The following SH3PXD2A variants were observed in gnomAD, a reference collection of about 807,000 sequenced individuals.
SH3PXD2A encodes SH3 and PX domain-containing protein 2A.
A neutral mutation model predicts 115.2 loss-of-function variants in SH3PXD2A; 32 were observed. The observed-to-expected ratio is 0.28, with a 90% CI of 0.21 to 0.37. The LOEUF is 0.37. SH3PXD2A is among the 10% of genes least tolerant of loss of function. The probability of loss-of-function intolerance (pLI) is 1.00; values close to 1 mark genes in which losing one functional copy is unlikely to be tolerated. For synonymous variants in SH3PXD2A, 610 were observed against 629.1 expected, an observed-to-expected ratio of 0.97 and a Z score of 0.45; for missense variants, 1,328 against 1,498.7, an observed-to-expected ratio of 0.89 and a Z score of 1.88.
At chr10:103,839,072 T>A (rs1178275880) in intron 1 of SH3PXD2A, among the ~76,000 whole-genome samples, 2 of 152,168 alleles carry the variant, frequency 1.3e-5, no homozygotes, top group Non-Finnish European at 2.9e-5. Flanking sequence ...CCGCGTGGGA[T>A]CTGCTCACCA....
chr10:103,610,461 C>G (rs1188774732), intron 13 of SH3PXD2A, among the ~76,000 whole-genome samples: 1 of 152,194 alleles, frequency 6.6e-6, no homozygotes, highest in Admixed American at 6.5e-5. Context: ...GTGTAAAACT[C>G]AGGAGGAAAA....
intron 2 of SH3PXD2A, among the ~76,000 whole-genome samples, chr10:103,783,005 T>A (rs140150982): frequency 0.01 from 1,592 of 151,886 alleles, 28 homozygotes; most frequent in African/African-American, 0.036. Flanking sequence ...AGTCAGCTCC[T>A]TGGGGACCTG....
chr10:103,771,440 T>C (rs990975448), intron 2 of SH3PXD2A, among the ~76,000 whole-genome samples: 4 of 151,990 alleles, frequency 2.6e-5, no homozygotes, highest in African/African-American at 9.7e-5. Flanking sequence ...CTGCCTTAGG[T>C]GCTAGAAATA....
Position 103,661,044 on chromosome 10 carries a change from C to T in SH3PXD2A, c.543G>A (p.Glu181=). ...CGGCCTGGAGGCTCAGCTCCGAGTT[C>T]TCCTGCTTCTTATAGTTGGACACCA... ...YVVVSNYKKQ[E]NSELSLQAGE... The change falls in exon 8 of 15, where the codon GAG becomes GAA. Residue 181 remains glutamate (E), a synonymous_variant. Coordinates refer to ENST00000369774, the MANE Select transcript of SH3PXD2A (RefSeq NM_001394015.1). 1.2e-6 allele frequency: 2 copies of T among 1,614,176 alleles called. No homozygotes were observed.
intron 4 of SH3PXD2A, among the ~76,000 whole-genome samples, chr10:103,727,755 G>A (rs2038258962): frequency 6.6e-6 from 1 of 152,218 alleles, no homozygotes. Context: ...CCTTTTGGTG[G>A]AACAACCGCA....
At chr10:103,707,758 G>A (rs572747353) in intron 5 of SH3PXD2A, among the ~76,000 whole-genome samples, 13 of 152,222 alleles carry the variant, frequency 8.5e-5, no homozygotes, top group African/African-American at 3.1e-4. Context: ...GGCATAGTCA[G>A]TTAAGTCACT....
At chr10:103,806,803 C>T (rs2039207204) in intron 1 of SH3PXD2A, among the ~76,000 whole-genome samples, 1 of 152,236 alleles carries the variant, frequency 6.6e-6, no homozygotes, top group Non-Finnish European at 1.5e-5. Flanking sequence ...AGGCTAGCAA[C>T]TGCTTCCAGC....
intron 2 of SH3PXD2A, among the ~76,000 whole-genome samples, chr10:103,773,235 A>AAT: frequency 6.6e-6 from 1 of 150,680 alleles, no homozygotes; most frequent in East Asian, 1.9e-4. Flanking sequence ...AAAAAAAAAA[A>AAT]AAAAAAGAGA....
At position 103,601,111 on chromosome 10, in the gene SH3PXD2A, G is replaced by C. The variant is rs988178931; in HGVS notation, c.*705C>G. ...AAACTCTGGTACTGTGTCCTCCATG[G>C]GGTGCCCCACGGAGAGCGGGCTCTC... On this transcript the variant is annotated 3_prime_UTR_variant, in exon 15 of 15. Transcript: ENST00000369774. 2 of 152,254 alleles carry C rather than the reference G, an allele frequency of 1.3e-5. No individual in the cohort carries two copies. The highest frequency in any genetic ancestry group is 1.3e-4 in the Admixed American group (2 of 15,286). The allele number at this position is 152,254 out of a possible 1,614,324, so 9.4% of individuals were successfully genotyped here.
At position 103,743,557 on chromosome 10, in the gene SH3PXD2A, G is replaced by A. The variant is rs777788751; in HGVS notation, c.230-7749C>T. The stretch of plus-strand genomic sequence containing the variant: ...CAACACCCGACTACATTTTTATAGT[G>A]ATGGGGTCTTGTTATGTTGCCTAGG... On this transcript the variant is annotated intron_variant, in intron 3 of 14. Coordinates refer to ENST00000369774, the MANE Select transcript of SH3PXD2A (RefSeq NM_001394015.1). Among the ~76,000 whole-genome samples, 119 of 152,106 alleles carry A rather than the reference G, an allele frequency of 7.8e-4. 1 individual carries two copies. Among genetic ancestry groups the A allele is most frequent in the Non-Finnish European group, 5.6e-4 (38 of 68,030 alleles).
intron 12 of SH3PXD2A, among the ~76,000 whole-genome samples, chr10:103,612,463 A>AT (rs1256414789): frequency 2.0e-5 from 3 of 152,126 alleles, no homozygotes; most frequent in African/African-American, 7.2e-5. Context: ...TGTTTTTTTG[A>AT]TTTTTTAAAA....
At chr10:103,675,189 C>T (rs931979241) in intron 6 of SH3PXD2A, among the ~76,000 whole-genome samples, 1 of 152,212 alleles carries the variant, frequency 6.6e-6, no homozygotes, top group Non-Finnish European at 1.5e-5. Context: ...GAGGTGTGAT[C>T]TGGGCAGTGG....
chr10:103,806,292 A>G (rs1462296551), intron 1 of SH3PXD2A, among the ~76,000 whole-genome samples: 1 of 152,030 alleles, frequency 6.6e-6, no homozygotes, highest in African/African-American at 2.4e-5. Flanking sequence ...TACGAGGACA[A>G]TCTCCAGACC....
At chr10:103,787,810 G>T (rs2038994994) in intron 2 of SH3PXD2A, among the ~76,000 whole-genome samples, 1 of 152,144 alleles carries the variant, frequency 6.6e-6, no homozygotes, top group Non-Finnish European at 1.5e-5. Flanking sequence ...TTTGAACAAG[G>T]TATACCTAAA....
intron 1 of SH3PXD2A, among the ~76,000 whole-genome samples, chr10:103,803,826 T>G (rs903864646): frequency 6.6e-6 from 1 of 152,230 alleles, no homozygotes; most frequent in African/African-American, 2.4e-5. Context: ...TGATGACATG[T>G]GCCCAAGGTG....
chr10:103,852,450 A>G (rs945156863), intron 1 of SH3PXD2A, among the ~76,000 whole-genome samples: 2 of 152,226 alleles, frequency 1.3e-5, no homozygotes, highest in African/African-American at 4.8e-5. Flanking sequence ...TCTGGCTAAC[A>G]CGCACATCCC....
intron 1 of SH3PXD2A, among the ~76,000 whole-genome samples, chr10:103,818,629 T>C (rs2039347452): frequency 6.6e-6 from 1 of 152,192 alleles, no homozygotes; most frequent in Admixed American, 6.5e-5. Flanking sequence ...CATCAGCTCC[T>C]GTTTGGCCTC....
Position 103,602,658 on chromosome 10 carries a change from C to T in SH3PXD2A, c.2560G>A (p.Val854Ile), listed in dbSNP as rs1564840960. 1 of 1,614,218 alleles carries T rather than the reference C, an allele frequency of 6.2e-7. No homozygotes were observed. The highest frequency in any genetic ancestry group is 8.5e-7 in the Non-Finnish European group (1 of 1,180,044). Residue 854 changes from valine (V) to isoleucine (I), a missense_variant, in exon 15 of 15, where the codon GTC becomes ATC. Val to Ile is a conservative substitution (Grantham distance 29, BLOSUM62 3). Coordinates refer to ENST00000369774, the MANE Select transcript of SH3PXD2A (RefSeq NM_001394015.1). ...SYMTCSAYQK[V>I]QDSEISFPAG... ...GGGAAGCTGATCTCCGAGTCCTGGA[C>T]CTTCTGGTAGGCGCTGCATGTCATG...
chr10:103,831,956 T>C (rs965322312), intron 1 of SH3PXD2A, among the ~76,000 whole-genome samples: 7 of 152,228 alleles, frequency 4.6e-5, no homozygotes, highest in Admixed American at 6.5e-5. Context: ...CATAATGTTT[T>C]CAAAGTTCAT....
Sources: gnomAD v4.1 joint callset for allele counts (sites outside exome capture counted in the v4.1 genomes callset) on GRCh38, gnomAD v4.1.1 for gene constraint, MANE v1.5 for transcripts, NCBI Gene and HGNC (gene_info 2026-07-23, HGNC 2026-07-21) for gene names.